ITGB6: variants seen among roughly 807,000 people sequenced by gnomAD.
The protein encoded by ITGB6 is integrin beta-6.
A neutral mutation model predicts 84.5 loss-of-function variants in ITGB6; 80 were observed. That is an observed-to-expected ratio of 0.95 (90% CI 0.79 to 1.14). The LOEUF (loss-of-function observed/expected upper bound fraction) is 1.14. Ranked by LOEUF, ITGB6 falls within the 50% of genes most tolerant of loss-of-function variation. The pLI is 0.00. For missense variants in ITGB6, 1,006 were observed against 968.0 expected (o/e 1.04, Z -0.52); for synonymous variants, 383 against 354.9 (o/e 1.08, Z -0.89).
At chr2:160,130,600 G>T (rs1420171955) in intron 10 of ITGB6, among the ~76,000 whole-genome samples, 1 of 152,122 alleles carries the variant, frequency 6.6e-6, no homozygotes, top group Non-Finnish European at 1.5e-5. Context: ...TTTCAACTGT[G>T]TTTCATAACC....
intron 7 of ITGB6, among the ~76,000 whole-genome samples, chr2:160,157,849 C>T (rs150572557): frequency 1.4e-3 from 217 of 151,670 alleles, no homozygotes; most frequent in African/African-American, 4.7e-3. Context: ...TTTTATGGAG[C>T]CATGTGCTTC....
intron 7 of ITGB6, among the ~76,000 whole-genome samples, chr2:160,148,951 C>T (rs1220540337): frequency 6.6e-6 from 1 of 152,250 alleles, no homozygotes; most frequent in African/African-American, 2.4e-5. Flanking sequence ...CCAGGAAGCT[C>T]AAATTGGGTG....
At chr2:160,107,925 A>G (rs1021065821) in intron 13 of ITGB6, 80 bp from the exon 14 acceptor site, 2 of 1,247,008 alleles carry the variant, frequency 1.6e-6, no homozygotes, top group Non-Finnish European at 2.2e-6. Flanking sequence ...TTGGATTTTC[A>G]TCTACATTTT....
intron 10 of ITGB6, among the ~76,000 whole-genome samples, chr2:160,131,314 A>G (rs561756575): frequency 6.6e-6 from 1 of 152,332 alleles, no homozygotes; most frequent in East Asian, 1.9e-4. Context: ...GAAAAAATCA[A>G]TGGAGCTCTG....
chr2:160,101,670 A>G lies in ITGB6; in HGVS notation c.*66T>C. 4 of 926,490 alleles carry G rather than the reference A, an allele frequency of 4.3e-6. No homozygotes were observed. The highest frequency in any genetic ancestry group is 2.4e-4 in the Middle Eastern group (1 of 4,214). The allele number at this position is 926,490 out of a possible 1,614,324, so 57.4% of individuals were successfully genotyped here. ...CCTCATTTTGAAGCAACAAAGAGAAAAAAATTAAATAGTGCATTAACATTT... is the reference window on the plus strand; with the variant it reads ...CCTCATTTTGAAGCAACAAAGAGAAGAAAATTAAATAGTGCATTAACATTT... On this transcript the variant is annotated 3_prime_UTR_variant, in exon 15 of 15. Transcript: ENST00000283249.
At chr2:160,128,884 G>A (rs1017617598) in intron 10 of ITGB6, among the ~76,000 whole-genome samples, 1 of 152,102 alleles carries the variant, frequency 6.6e-6, no homozygotes, top group Non-Finnish European at 1.5e-5. Flanking sequence ...GAGCTCAAGG[G>A]GCCTGTGGGA....
chr2:160,185,826 C>T (rs888824639), intron 4 of ITGB6, among the ~76,000 whole-genome samples: 4 of 152,164 alleles, frequency 2.6e-5, no homozygotes, highest in African/African-American at 9.6e-5. Context: ...CACACATCTA[C>T]AACCATCTGA....
At chr2:160,170,570 G>A (rs1228676923) in intron 6 of ITGB6, among the ~76,000 whole-genome samples, 1 of 152,194 alleles carries the variant, frequency 6.6e-6, no homozygotes, top group Non-Finnish European at 1.5e-5. Context: ...TCGAAGGTGA[G>A]CGAAGCTGGT....
chr2:160,156,170 G>A (rs192969150), intron 7 of ITGB6, among the ~76,000 whole-genome samples: 129 of 152,340 alleles, frequency 8.5e-4, no homozygotes, highest in Admixed American at 7.4e-3. Flanking sequence ...TGCAGAAAGT[G>A]CAGGTAATTC....
At chr2:160,141,093 A>C (rs1285437851) in intron 8 of ITGB6, among the ~76,000 whole-genome samples, 12 of 152,150 alleles carry the variant, frequency 7.9e-5, no homozygotes, top group Admixed American at 7.9e-4. Context: ...TAATTTTAAA[A>C]CATCAAAAAT....
chr2:160,175,518 C>T (rs192121907), intron 4 of ITGB6, among the ~76,000 whole-genome samples: 16 of 152,314 alleles, frequency 1.1e-4, no homozygotes, highest in African/African-American at 3.4e-4. Context: ...GTCTTTTTCA[C>T]GGTCTACATA....
intron 4 of ITGB6, among the ~76,000 whole-genome samples, chr2:160,188,758 C>T (rs920926988): frequency 8.5e-5 from 13 of 152,070 alleles, no homozygotes; most frequent in Non-Finnish European, 1.5e-4. Context: ...CATGTGCCCC[C>T]ATGCCTGGCT....
At chr2:160,140,722 A>T (rs1048425434) in intron 8 of ITGB6, among the ~76,000 whole-genome samples, 5 of 152,204 alleles carry the variant, frequency 3.3e-5, no homozygotes, top group African/African-American at 7.2e-5. Context: ...GAAAACTGAA[A>T]TTTCTGAGGC....
intron 4 of ITGB6, among the ~76,000 whole-genome samples, chr2:160,182,329 G>A (rs189009784): frequency 1.3e-5 from 2 of 152,272 alleles, no homozygotes; most frequent in African/African-American, 2.4e-5. Flanking sequence ...AACACAGCAC[G>A]AGAACTTCAT....
chr2:160,185,264 T>C (rs1372477353), intron 4 of ITGB6, among the ~76,000 whole-genome samples: 1 of 152,220 alleles, frequency 6.6e-6, no homozygotes, highest in African/African-American at 2.4e-5. Flanking sequence ...CTTAAGCTGA[T>C]AAGCAACTTC....
rs571021310 is a variant in ITGB6 at position 160,142,732 on chromosome 2, A to G, written c.1018-661T>C. ...TACCCACAGTGTTTTTTCCTGAGGC[A>G]TCATTCCCACCTGAGAACTAGCAAT... On this transcript the variant is annotated intron_variant, in intron 7 of 14. Transcript: ENST00000283249. Among the ~76,000 whole-genome samples, 19 of 152,310 alleles carry G rather than the reference A, an allele frequency of 1.2e-4. No homozygotes were observed. In the South Asian group the frequency reaches 3.9e-3, roughly 32 times the overall value.
intron 9 of ITGB6, 88 bp from the exon 10 acceptor site, chr2:160,137,939 G>A (rs1212649419): frequency 3.8e-5 from 58 of 1,533,464 alleles, no homozygotes; most frequent in Non-Finnish European, 4.9e-5. Flanking sequence ...TTTGCCAAAA[G>A]CATTTACTAG....
At chr2:160,198,108 A>G (rs1215622743) in intron 2 of ITGB6, among the ~76,000 whole-genome samples, 1 of 152,216 alleles carries the variant, frequency 6.6e-6, no homozygotes, top group East Asian at 1.9e-4. Flanking sequence ...CTGGCATGAA[A>G]CTAATACTTC....
chr2:160,129,331 G>T (rs1683361834), intron 10 of ITGB6, among the ~76,000 whole-genome samples: 2 of 149,094 alleles, frequency 1.3e-5, no homozygotes, highest in African/African-American at 2.5e-5. Flanking sequence ...ACTAACATAG[G>T]TGTTGGATGT....
Sources: gnomAD v4.1 joint callset for allele counts (sites outside exome capture counted in the v4.1 genomes callset) on GRCh38, gnomAD v4.1.1 for gene constraint, MANE v1.5 for transcripts, NCBI Gene and HGNC (gene_info 2026-07-23, HGNC 2026-07-21) for gene names.